The following ITIH5 variants were observed in gnomAD, a reference collection of about 807,000 sequenced individuals.
ITIH5 encodes inter-alpha-trypsin inhibitor heavy chain H5.
A neutral mutation model predicts 77.5 loss-of-function variants in ITIH5; 65 were observed. The ratio of observed to expected loss-of-function variants is 0.84; its 90% CI spans 0.69 to 1.03. The LOEUF (loss-of-function observed/expected upper bound fraction) is 1.03. Ranked by LOEUF, ITIH5 falls within the 50% of genes least tolerant of loss-of-function variation. The probability of loss-of-function intolerance (pLI) is 0.00; values close to 1 mark genes in which losing one functional copy is unlikely to be tolerated. For synonymous variants in ITIH5, 525 were observed against 494.3 expected, an observed-to-expected ratio of 1.06 and a Z score of -0.82; for missense variants, 1,208 against 1,213.1, an observed-to-expected ratio of 1.00 and a Z score of 0.06.
intron 7 of ITIH5, among the ~76,000 whole-genome samples, chr10:7,599,571 G>C (rs1414884670): frequency 6.6e-6 from 1 of 152,122 alleles, no homozygotes; most frequent in East Asian, 1.9e-4. Flanking sequence ...CTCTCCATCT[G>C]CCTTTGACCT....
At chr10:7,588,330 C>T (rs551443451) in intron 7 of ITIH5, among the ~76,000 whole-genome samples, 4 of 152,260 alleles carry the variant, frequency 2.6e-5, no homozygotes, top group African/African-American at 7.2e-5. Context: ...ACCAGCCTGG[C>T]CAACATGGTG....
rs368860708 is a variant in ITIH5 at position 7,642,045 on chromosome 10, T to C, written c.181A>G (p.Ile61Val). 1.5e-4 allele frequency: 238 copies of C among 1,613,990 alleles called. No homozygotes were observed. Among genetic ancestry groups the C allele is most frequent in the Non-Finnish European group, 1.9e-4 (219 of 1,179,968 alleles). The change falls in exon 3 of 14, where the codon ATT becomes GTT. Residue 61 changes from isoleucine (I) to valine (V), a missense_variant. Coordinates refer to ENST00000397146, the MANE Select transcript of ITIH5 (RefSeq NM_030569.7). ...MTEFSVKSTIISRYAFTTVSC... is the reference protein window; with the variant it reads ...MTEFSVKSTIVSRYAFTTVSC... ...ACCGTAGTGAAGGCATAACGGGAAA[T>C]GATGGTAGACTTCACTGAGAATTCT...
rs1228150880 is a variant in ITIH5, at chr10:7,644,849, TCA to T, written c.136-2761_136-2760del. 1.2e-3 allele frequency among the ~76,000 whole-genome samples: 168 copies of T among 135,696 alleles called. 3 individuals are homozygous for T. The highest frequency in any genetic ancestry group is 4.3e-3 in the Middle Eastern group (1 of 234). 89.0% of individuals were successfully genotyped at this position (135,696 alleles called of 152,430 possible). A position where few individuals can be genotyped will look rare whatever the true frequency, so the allele number is the denominator to read the frequency against. The stretch of plus-strand genomic sequence containing the variant: ...ATATCACATATATATCACATATATA[TCA>T]CATATGTATCACATATATATCACAT... On this transcript the variant is annotated intron_variant, in intron 2 of 13. Transcript: ENST00000397146.
rs140130312 is a variant in ITIH5, at chr10:7,595,359, C to A, written c.940-9290G>T. On this transcript the variant is annotated intron_variant, in intron 7 of 13. Transcript: ENST00000397146. Reference sequence around the variant, plus strand: ...CGGAAAGAATATATTTCTTACTATTCGGGTAGCGAAGACATACCTTGGCCT... The same window carrying A: ...CGGAAAGAATATATTTCTTACTATTAGGGTAGCGAAGACATACCTTGGCCT... Among the ~76,000 whole-genome samples, 805 of 151,952 alleles carry A rather than the reference C, an allele frequency of 5.3e-3. 4 individuals carry two copies. Among genetic ancestry groups the A allele is most frequent in the African/African-American group, 0.019 (770 of 41,476 alleles).
rs1564273622 is a variant in ITIH5 at position 7,637,326 on chromosome 10, A to G, written c.554T>C (p.Leu185Pro). ...SVRPQQLSGRLSVDVNILESA... is the reference protein window; with the variant it reads ...SVRPQQLSGRPSVDVNILESA... ...CTCCAGGATATTCACGTCCACGCTC[A>G]GCCTCCCGGACAGCTGCTGGGGCCG... The change falls in exon 5 of 14, where the codon CTG becomes CCG. Residue 185 changes from leucine to proline, a missense_variant. Coordinates refer to ENST00000397146, the MANE Select transcript of ITIH5 (RefSeq NM_030569.7). 1 of 1,613,950 alleles carries G rather than the reference A, an allele frequency of 6.2e-7. No individual in the cohort carries two copies. The highest frequency in any genetic ancestry group is 1.3e-5 in the African/African-American group (1 of 74,936).
chr10:7,592,504 A>C (rs1483633745), intron 7 of ITIH5, among the ~76,000 whole-genome samples: 1 of 152,192 alleles, frequency 6.6e-6, no homozygotes, highest in Non-Finnish European at 1.5e-5. Flanking sequence ...GAGAAACAGA[A>C]AGAGTAGGGG....
intron 13 of ITIH5, among the ~76,000 whole-genome samples, chr10:7,563,611 G>A (rs1832082925): frequency 6.6e-6 from 1 of 152,204 alleles, no homozygotes; most frequent in South Asian, 2.1e-4. Flanking sequence ...CTTCCCAGCT[G>A]CTAACACTAG....
At chr10:7,652,180 A>G (rs1834112438) in intron 2 of ITIH5, among the ~76,000 whole-genome samples, 1 of 152,186 alleles carries the variant, frequency 6.6e-6, no homozygotes, top group African/African-American at 2.4e-5. Flanking sequence ...GAGCTTCATA[A>G]AAAGGGTATC....
intron 7 of ITIH5, among the ~76,000 whole-genome samples, chr10:7,609,697 A>G (rs548991620): frequency 4.2e-4 from 64 of 152,360 alleles, no homozygotes; most frequent in African/African-American, 1.5e-3. Context: ...AAGGAAGACA[A>G]GCTTCAAAGG....
At chr10:7,612,378 A>G (rs1833264708) in intron 7 of ITIH5, among the ~76,000 whole-genome samples, 1 of 152,236 alleles carries the variant, frequency 6.6e-6, no homozygotes, top group Non-Finnish European at 1.5e-5. Flanking sequence ...ATATGTGACT[A>G]GTGGCTATTG....
At chr10:7,652,154 G>A (rs2131101591) in intron 2 of ITIH5, among the ~76,000 whole-genome samples, 1 of 152,308 alleles carries the variant, frequency 6.6e-6, no homozygotes, top group African/African-American at 2.4e-5. Flanking sequence ...AATATTTTGT[G>A]TGTATGTATG....
In ITIH5 at chr10:7,580,067, G is replaced by A. The variant is rs1395629243; in HGVS notation, c.1109-3C>T. 4 of 1,593,616 alleles carry A rather than the reference G, an allele frequency of 2.5e-6. No individual in the cohort carries two copies. The highest frequency in any genetic ancestry group is 3.4e-6 in the Non-Finnish European group (4 of 1,172,620). On this transcript the variant is annotated splice_polypyrimidine_tract_variant and splice_region_variant and intron_variant, in intron 8 of 13. Coordinates refer to ENST00000397146, the MANE Select transcript of ITIH5 (RefSeq NM_030569.7). ...CAGGGCCCCGTTGATGTCTGTGCCT[G>A]CAGGACACCAACACGGAACAGCTCA...
intron 2 of ITIH5, among the ~76,000 whole-genome samples, chr10:7,655,314 C>A (rs1427848650): frequency 6.6e-6 from 1 of 151,942 alleles, no homozygotes. Context: ...TACTTCACAA[C>A]AAAGCTCTCA....
intron 5 of ITIH5, among the ~76,000 whole-genome samples, chr10:7,627,284 C>A (rs1246625861): frequency 6.8e-6 from 1 of 146,972 alleles, no homozygotes. Context: ...GCACATGGAT[C>A]CCAGAACTTA....
intron 5 of ITIH5, among the ~76,000 whole-genome samples, chr10:7,634,355 A>G (rs188071041): frequency 1.1e-4 from 17 of 152,244 alleles, no homozygotes; most frequent in African/African-American, 4.1e-4. Context: ...TAAGGCTGCC[A>G]TTTTGCAGGA....
At chr10:7,641,600 TAGAA>T (rs1201795759) in intron 3 of ITIH5, among the ~76,000 whole-genome samples, 41 of 129,918 alleles carry the variant, frequency 3.2e-4, no homozygotes, top group African/African-American at 1.1e-3. Flanking sequence ...AAAGAGAAAA[TAGAA>T]GGAAGGGAGA....
rs141128256 is a variant in ITIH5 at position 7,590,486 on chromosome 10, G to A, written c.940-4417C>T. ...CACACACCACTTCAGAAACATCCCC[G>A]GCTGTGTGCGTGTGCACGTGTGATT... is the stretch of plus-strand genomic sequence containing the variant. On this transcript the variant is annotated intron_variant, in intron 7 of 13. Transcript: ENST00000397146. 1.5e-4 allele frequency among the ~76,000 whole-genome samples: 23 copies of A among 152,278 alleles called. No homozygotes were observed. The East Asian group carries it at 3.9e-3, about 26-fold the overall frequency.
At chr10:7,606,777 C>T (rs1588394212) in intron 7 of ITIH5, among the ~76,000 whole-genome samples, 1 of 152,148 alleles carries the variant, frequency 6.6e-6, no homozygotes, top group Non-Finnish European at 1.5e-5. Flanking sequence ...CCTCATTTTA[C>T]CTCTAAGATA....
intron 2 of ITIH5, among the ~76,000 whole-genome samples, chr10:7,646,771 A>G (rs1423010607): frequency 1.3e-5 from 2 of 152,212 alleles, no homozygotes; most frequent in Admixed American, 6.5e-5. Context: ...ATGGGCCACT[A>G]CACATGAGTC....
Sources: gnomAD v4.1 joint callset for allele counts (sites outside exome capture counted in the v4.1 genomes callset) on GRCh38, gnomAD v4.1.1 for gene constraint, MANE v1.5 for transcripts, NCBI Gene and HGNC (gene_info 2026-07-23, HGNC 2026-07-21) for gene names.